The following ALG12 variants were observed in gnomAD, a reference collection of about 807,000 sequenced individuals.
ALG12 encodes the protein dol-P-Man:Man(7)GlcNAc(2)-PP-Dol alpha-1,6-mannosyltransferase.
Under a neutral mutation model 46.0 loss-of-function variants are expected in ALG12, and 36 were observed. That is an observed-to-expected ratio of 0.78 (90% CI 0.60 to 1.03). The LOEUF is 1.03. Ranked by LOEUF, ALG12 falls within the 50% of genes least tolerant of loss-of-function variation. The probability of loss-of-function intolerance (pLI) is 0.00; values close to 1 mark genes in which losing one functional copy is unlikely to be tolerated. For synonymous variants in ALG12, 326 were observed against 291.6 expected, an observed-to-expected ratio of 1.12 and a Z score of -1.20; for missense variants, 599 against 633.5, an observed-to-expected ratio of 0.95 and a Z score of 0.58.
At chr22:49,884,318 C>T in the ALG12 span, 1 of 1,613,856 alleles carries the variant, frequency 6.2e-7, no homozygotes, top group Non-Finnish European at 8.5e-7. Flanking sequence ...ATCCCGTCCC[C>T]CGATCGAATA....
chr22:49,910,472 C>A lies in ALG12; in HGVS notation c.431G>T (p.Cys144Phe). Reference protein sequence around the residue: ...TAMQFHLMFYCTRTLPNVLAL... With the variant: ...TAMQFHLMFYFTRTLPNVLAL... ...CAGCACATTGGGCAGTGTCCGCGTG[C>A]AGTAGAACATCAGGTGGAACTGCAT... is the stretch of plus-strand genomic sequence containing the variant. The change falls in exon 4 of 10, where the codon TGC becomes TTC. Residue 144 changes from cysteine to phenylalanine, a missense_variant. Cys to Phe is a radical substitution (Grantham distance 205, BLOSUM62 -2). Transcript: ENST00000330817. 1 of 1,613,832 alleles carries A rather than the reference C, an allele frequency of 6.2e-7. No homozygotes were observed. Among genetic ancestry groups the A allele is most frequent in the Non-Finnish European group, 8.5e-7 (1 of 1,180,032 alleles).
chr22:49,904,366 C>T lies in ALG12; in HGVS notation c.1133G>A (p.Arg378Lys), dbSNP rs148798409. 109 of 1,614,100 alleles carry T rather than the reference C, an allele frequency of 6.8e-5. No individual in the cohort carries two copies. The highest frequency in any genetic ancestry group is 8.8e-5 in the Non-Finnish European group (104 of 1,180,046). ...FNYPGGVAMQ[R>K]LHQLVPPQTD... ...CTGGGGGGGCACCAGCTGGTGCAGC[C>T]TCTGCATTGCGACGCCACCTGGGTA... is the stretch of plus-strand genomic sequence containing the variant. The change falls in exon 8 of 10, where the codon AGG becomes AAG. Residue 378 changes from arginine (R) to lysine (K), a missense_variant. Arg to Lys is a conservative substitution (Grantham distance 26, BLOSUM62 2). Coordinates refer to ENST00000330817, the MANE Select transcript of ALG12 (RefSeq NM_024105.4).
rs2060524976 is a variant in ALG12 at position 49,903,395 on chromosome 22, G to A, written c.*443C>T. On this transcript the variant is annotated 3_prime_UTR_variant, in exon 10 of 10. Transcript: ENST00000330817. ...GGCCACCATGGTCTCCCCTGAGAGG[G>A]GGTGCTGTCTTAGGTGCCCCAAGAG... 1 of 458,622 alleles carries A rather than the reference G, an allele frequency of 2.2e-6. No individual in the cohort carries two copies. The highest frequency in any genetic ancestry group is 2.0e-5 in the African/African-American group (1 of 50,242). 28.4% of individuals were successfully genotyped at this position (458,622 alleles called of 1,614,324 possible).
At chr22:49,892,758 G>C in the ALG12 span, among the ~76,000 whole-genome samples, 1 of 152,152 alleles carries the variant, frequency 6.6e-6, no homozygotes, top group Non-Finnish European at 1.5e-5. Flanking sequence ...TCACCTTTCT[G>C]CTAGAGGAAA....
rs1265937339 is a variant in ALG12, at chr22:49,907,811, A to G, written c.902T>C (p.Leu301Pro). The change falls in exon 7 of 10, where the codon CTC becomes CCC. Residue 301 changes from leucine (L) to proline (P), a missense_variant. Coordinates refer to ENST00000330817, the MANE Select transcript of ALG12 (RefSeq NM_024105.4). ...PTVLALGFMA[L>P]YSLLPHKELR... ...CTCCTTGTGTGGCAGGAGGGAGTAG[A>G]GTGCCATGAAGCCCAGTGCCAGCAC... 6.2e-7 allele frequency: 1 copy of G among 1,614,158 alleles called. No individual in the cohort carries two copies.
the ALG12 span, among the ~76,000 whole-genome samples, chr22:49,878,121 G>A: frequency 1.0e-3 from 157 of 152,020 alleles, no homozygotes; most frequent in African/African-American, 3.5e-3. Context: ...CCTGGCCAAC[G>A]TGGTGAAACA....
At chr22:49,909,862 C>CA in intron 5 of ALG12, 32 bp downstream of exon 5, 1 of 1,613,752 alleles carries the variant, frequency 6.2e-7, no homozygotes, top group Non-Finnish European at 8.5e-7. Flanking sequence ...AAACAAAATC[C>CA]AGTTAGAAGC....
the ALG12 span, among the ~76,000 whole-genome samples, chr22:49,864,705 C>T: frequency 6.6e-6 from 1 of 151,068 alleles, no homozygotes; most frequent in East Asian, 2.0e-4. Context: ...GGTGTAGTTC[C>T]AGCTACTCAG....
downstream of ALG12, among the ~76,000 whole-genome samples, chr22:49,896,309 T>TA (rs1401416933): frequency 3.9e-5 from 6 of 152,190 alleles, no homozygotes; most frequent in African/African-American, 1.4e-4. Context: ...CTTCAGGAAA[T>TA]AAAGGTTTTT....
chr22:49,896,900 C>CA (rs1289207720), downstream of ALG12, among the ~76,000 whole-genome samples: 6 of 151,954 alleles, frequency 3.9e-5, no homozygotes, highest in African/African-American at 9.7e-5. Context: ...CTTGGCCTCC[C>CA]AAAGTGCTGG....
the ALG12 span, chr22:49,884,529 TG>T: frequency 6.2e-7 from 1 of 1,614,098 alleles, no homozygotes; most frequent in Non-Finnish European, 8.5e-7. Context: ...GAAGGTCCGC[TG>T]TCTGGAAGCA....
Position 49,902,631 on chromosome 22 carries a change from T to A in ALG12, c.*1207A>T, listed in dbSNP as rs2060518867. The A allele has an allele frequency of 6.8e-6, 1 of 146,934 alleles. No individual in the cohort carries two copies. Among genetic ancestry groups the A allele is most frequent in the East Asian group, 2.2e-4 (1 of 4,572 alleles). The allele number at this position is 146,934 out of a possible 1,614,324, so 9.1% of individuals were successfully genotyped here. A position where few individuals can be genotyped will look rare whatever the true frequency, so the allele number is the denominator to read the frequency against. On this transcript the variant is annotated 3_prime_UTR_variant, in exon 10 of 10. Coordinates refer to ENST00000330817, the MANE Select transcript of ALG12 (RefSeq NM_024105.4). ...GCACGTGTGCACTGTGTATGCATGG[T>A]AATGTGCACGTGTGCACTGTGTGGT...
the ALG12 span, among the ~76,000 whole-genome samples, chr22:49,871,925 T>C: frequency 6.6e-6 from 1 of 152,180 alleles, no homozygotes; most frequent in South Asian, 2.1e-4. Flanking sequence ...TTTGTATTTT[T>C]AGTAGAGACG....
the ALG12 span, chr22:49,885,005 A>G: frequency 6.2e-7 from 1 of 1,613,364 alleles, no homozygotes; most frequent in Middle Eastern, 1.7e-4. Flanking sequence ...GCCATCTTCC[A>G]GCAGAATAAA....
At chr22:49,908,053 C>T in intron 6 of ALG12, 109 bp from the exon 7 acceptor site, 4 of 1,102,518 alleles carry the variant, frequency 3.6e-6, no homozygotes, top group South Asian at 1.4e-5. Context: ...CTGAGAGATG[C>T]AGCCTGGACC....
the ALG12 span, chr22:49,887,929 A>AT: frequency 6.0e-6 from 1 of 167,276 alleles, no homozygotes; most frequent in Non-Finnish European, 1.5e-5. Context: ...AGTGCGTTCA[A>AT]TGACACGCTG....
chr22:49,878,395 A>G, the ALG12 span, among the ~76,000 whole-genome samples: 1 of 151,934 alleles, frequency 6.6e-6, no homozygotes, highest in African/African-American at 2.4e-5. Context: ...TTACGTGGTC[A>G]GTATAAACAC....
the ALG12 span, among the ~76,000 whole-genome samples, chr22:49,860,278 G>A: frequency 4.6e-5 from 7 of 152,182 alleles, no homozygotes; most frequent in African/African-American, 1.4e-4. Flanking sequence ...CTGCCTGGGC[G>A]ACAGAGTGAG....
chr22:49,891,056 C>A, the ALG12 span, among the ~76,000 whole-genome samples: 3 of 151,990 alleles, frequency 2.0e-5, no homozygotes, highest in Non-Finnish European at 4.4e-5. Context: ...TGTTCTTTGG[C>A]CCTCCAGAAA....
Sources: allele counts gnomAD v4.1 joint callset (sites outside exome capture counted in the v4.1 genomes callset), GRCh38; gene constraint gnomAD v4.1.1; transcripts MANE v1.5; gene names NCBI Gene and HGNC (gene_info 2026-07-23, HGNC 2026-07-21).